Variants in BACH2 observed in about 807,000 individuals in gnomAD.
BACH2 encodes BACH transcriptional regulator 2, also known as transcription regulator protein BACH2.
In BACH2, 5 loss-of-function variants were observed where a neutral mutation model predicts 61.8. The observed-to-expected ratio is 0.08, with a 90% CI of 0.04 to 0.17. BACH2 has a LOEUF of 0.17. BACH2 is among the 10% of genes least tolerant of loss of function. The pLI is 1.00. For synonymous variants in BACH2, 446 were observed against 440.1 expected (o/e 1.01, Z -0.17); for missense variants, 824 against 1,091.1 (o/e 0.76, Z 3.45).
intron 5 of BACH2, among the ~76,000 whole-genome samples, chr6:90,033,322 C>T (rs918941977): frequency 6.9e-6 from 1 of 145,806 alleles, no homozygotes; most frequent in African/African-American, 2.6e-5. Context: ...CTAACCTGCA[C>T]GTTGTGCACA....
At chr6:89,936,424 G>A (rs1404531812) in intron 8 of BACH2, among the ~76,000 whole-genome samples, 1 of 152,158 alleles carries the variant, frequency 6.6e-6, no homozygotes, top group Non-Finnish European at 1.5e-5. Context: ...TTACAGGTGT[G>A]AGCCATGGTG....
chr6:90,012,677 A>T (rs528580606), intron 5 of BACH2, among the ~76,000 whole-genome samples: 10 of 150,808 alleles, frequency 6.6e-5, no homozygotes, highest in East Asian at 2.0e-4. Context: ...TTAATTGAAA[A>T]TTTTTTTTGG....
At chr6:89,988,806 A>C (rs1776381959) in intron 6 of BACH2, among the ~76,000 whole-genome samples, 1 of 152,342 alleles carries the variant, frequency 6.6e-6, no homozygotes, top group East Asian at 1.9e-4. Flanking sequence ...GGCAAAAAAG[A>C]AGTTCATGCA....
chr6:90,270,253 T>C (rs1468718954), intron 2 of BACH2, among the ~76,000 whole-genome samples: 1 of 152,210 alleles, frequency 6.6e-6, no homozygotes, highest in Non-Finnish European at 1.5e-5. Context: ...AATAGTGGGA[T>C]TGCTAGATGG....
chr6:89,963,631 C>T (rs949045177), intron 6 of BACH2, among the ~76,000 whole-genome samples: 2 of 152,160 alleles, frequency 1.3e-5, no homozygotes, highest in Non-Finnish European at 2.9e-5. Flanking sequence ...AGTGCAGCTG[C>T]TATGGAAAAC....
At chr6:90,107,795 G>A (rs544337159) in intron 4 of BACH2, among the ~76,000 whole-genome samples, 1 of 151,468 alleles carries the variant, frequency 6.6e-6, no homozygotes, top group East Asian at 1.9e-4. Flanking sequence ...CTATTCACTC[G>A]GTGGCAAAGG....
At chr6:90,117,867 C>T (rs749143345) in intron 4 of BACH2, among the ~76,000 whole-genome samples, 34 of 152,016 alleles carry the variant, frequency 2.2e-4, no homozygotes, top group Non-Finnish European at 3.1e-4. Context: ...TTGTGTTTTT[C>T]GTACCAAGCG....
intron 6 of BACH2, among the ~76,000 whole-genome samples, chr6:89,961,804 C>G (rs562094046): frequency 6.6e-6 from 1 of 152,302 alleles, no homozygotes; most frequent in South Asian, 2.1e-4. Flanking sequence ...AATAAATGCT[C>G]CAATCATTGG....
chr6:90,165,406 G>T (rs1407432380), intron 4 of BACH2, among the ~76,000 whole-genome samples: 3 of 151,996 alleles, frequency 2.0e-5, no homozygotes, highest in Non-Finnish European at 4.4e-5. Flanking sequence ...TGAAATAAAA[G>T]AGGATACAAA....
chr6:90,203,391 CAAAAAAAAAA>C (rs34539345), intron 4 of BACH2, among the ~76,000 whole-genome samples: 6 of 59,790 alleles, frequency 1.0e-4, no homozygotes, highest in East Asian at 5.2e-4. Flanking sequence ...TCTCTCTCTC[CAAAAAAAAAA>C]AAAAAAAAAA....
At chr6:90,089,884 G>A (rs1481419961) in intron 4 of BACH2, among the ~76,000 whole-genome samples, 1 of 152,086 alleles carries the variant, frequency 6.6e-6, no homozygotes, top group African/African-American at 2.4e-5. Context: ...AAATATTTGT[G>A]CACAAAAATA....
chr6:90,147,471 GGC>G (rs1784662791), intron 4 of BACH2, among the ~76,000 whole-genome samples: 1 of 152,108 alleles, frequency 6.6e-6, no homozygotes, highest in African/African-American at 2.4e-5. Flanking sequence ...GCCGTTCCGC[GGC>G]AGCCACTCGC....
At chr6:90,170,777 A>G (rs552961551) in intron 4 of BACH2, among the ~76,000 whole-genome samples, 2 of 152,212 alleles carry the variant, frequency 1.3e-5, no homozygotes, top group Non-Finnish European at 1.5e-5. Flanking sequence ...AAGCATGGCA[A>G]ATTCATGTGG....
At position 89,930,228 on chromosome 6, in the gene BACH2, CTTTTTTTTTTTTT is replaced by C. The variant is rs397885211; in HGVS notation, c.*2167_*2179del. The C allele has an allele frequency of 9.4e-5, 5 of 53,446 alleles. No homozygotes were observed. The highest frequency in any genetic ancestry group is 1.5e-4 in the African/African-American group (2 of 13,672). The allele number at this position is 53,446 out of a possible 1,614,324, so 3.3% of individuals were successfully genotyped here. A position where few individuals can be genotyped will look rare whatever the true frequency, so the allele number is the denominator to read the frequency against. On this transcript the variant is annotated 3_prime_UTR_variant, in exon 9 of 9. Coordinates refer to ENST00000257749, the MANE Select transcript of BACH2 (RefSeq NM_021813.4). ...AGTGGAACTGTTTAAAAAGAAAAGCCTTTTTTTTTTTTTTTTTTTTTTTTTTATCCTACTGCAT... is the reference window on the plus strand; with the variant it reads ...AGTGGAACTGTTTAAAAAGAAAAGCCTTTTTTTTTTTTTATCCTACTGCAT...
chr6:90,220,200 TTATAACTC>T (rs1769693839), intron 3 of BACH2, among the ~76,000 whole-genome samples: 1 of 152,192 alleles, frequency 6.6e-6, no homozygotes, highest in South Asian at 2.1e-4. Flanking sequence ...TTAAGGTCCT[TTATAACTC>T]TATACATTTT....
At chr6:90,280,281 A>T (rs1296422680) in intron 1 of BACH2, among the ~76,000 whole-genome samples, 1 of 152,214 alleles carries the variant, frequency 6.6e-6, no homozygotes, top group South Asian at 2.1e-4. Context: ...GGAGAATTTT[A>T]AAGCAAGAAT....
At chr6:90,035,630 G>C (rs1285743623) in intron 5 of BACH2, among the ~76,000 whole-genome samples, 1 of 151,888 alleles carries the variant, frequency 6.6e-6, no homozygotes, top group African/African-American at 2.4e-5. Flanking sequence ...GTTGGGACCG[G>C]GGGTTCCTCA....
At chr6:89,968,641 T>G (rs1424794573) in intron 6 of BACH2, among the ~76,000 whole-genome samples, 2 of 152,206 alleles carry the variant, frequency 1.3e-5, no homozygotes, top group Non-Finnish European at 2.9e-5. Flanking sequence ...AAATAATCAA[T>G]GCAAAAAATT....
At chr6:90,179,529 T>C (rs562089654) in intron 4 of BACH2, among the ~76,000 whole-genome samples, 1 of 152,176 alleles carries the variant, frequency 6.6e-6, no homozygotes, top group African/African-American at 2.4e-5. Context: ...ATGGAGCTTA[T>C]TGAGGATAAG....
Sources: allele counts gnomAD v4.1 joint callset (sites outside exome capture counted in the v4.1 genomes callset), GRCh38; gene constraint gnomAD v4.1.1; transcripts MANE v1.5; gene names NCBI Gene and HGNC (gene_info 2026-07-23, HGNC 2026-07-21).